Variants in RHCG observed in about 807,000 individuals in gnomAD.
RHCG encodes ammonium transporter Rh type C.
RHCG carries 39 observed loss-of-function variants against 55.3 expected under a neutral mutation model. The observed-to-expected ratio is 0.70, with a 90% CI of 0.55 to 0.92. RHCG has a LOEUF of 0.92. RHCG is among the 40% of genes least tolerant of loss of function. RHCG has a pLI of 0.00. For synonymous variants in RHCG, 250 were observed against 246.8 expected (o/e 1.01, Z -0.12); for missense variants, 635 against 627.9 (o/e 1.01, Z -0.12).
intron 5 of RHCG, 106 bp downstream of exon 5, chr15:89,479,216 G>T: frequency 9.1e-6 from 11 of 1,206,572 alleles, no homozygotes; most frequent in Non-Finnish European, 1.3e-5. Context: ...AACCTCATCT[G>T]CAAGATGGGT....
chr15:89,477,503 T>C lies in RHCG; in HGVS notation c.1112+14A>G, dbSNP rs1209778359. ...GGGGGAAGCTCCATCCCACCGCACC[T>C]CCTCCACATTTACCCTTCTTTTCCA... On this transcript the variant is annotated intron_variant, in intron 7 of 10. Transcript: ENST00000268122. This position sits in a 1 kb window ranked among gnomAD's most constrained non-coding sequence, Gnocchi z 4.5. The C allele has an allele frequency of 3.7e-6, 6 of 1,613,346 alleles. No individual in the cohort carries two copies. The Admixed American group carries it at 1.0e-4, about 27-fold the overall frequency.
intron 9 of RHCG, among the ~76,000 whole-genome samples, chr15:89,475,048 G>T (rs115729944): frequency 6.3e-5 from 6 of 95,828 alleles, no homozygotes; most frequent in Admixed American, 1.1e-4. Context: ...CTTCCTGCCC[G>T]CCTTCCTTCC....
At chr15:89,475,694 C>A (rs1961135358) in intron 9 of RHCG, among the ~76,000 whole-genome samples, 1 of 152,108 alleles carries the variant, frequency 6.6e-6, no homozygotes, top group South Asian at 2.1e-4. Flanking sequence ...ACTGTGATTC[C>A]TAACCCAGGC....
chr15:89,486,597 AGAGTGTGTGT>A lies in RHCG; in HGVS notation c.371+192_371+201del, dbSNP rs1307895333. ...GAGAGAGAGAGAGAGAGAGAGAGAG[AGAGTGTGTGT>A]GTGTGTGTGTGTGTGTGTGTGTGTG... On this transcript the variant is annotated intron_variant, in intron 2 of 10. Coordinates refer to ENST00000268122, the MANE Select transcript of RHCG (RefSeq NM_016321.3). The A allele has an allele frequency of 1.8e-3, 603 of 327,132 alleles. 2 individuals are homozygous for A. In the African/African-American group the frequency reaches 0.019, roughly 10 times the overall value. The allele number at this position is 327,132 out of a possible 1,614,324, so 20.3% of individuals were successfully genotyped here. A position where few individuals can be genotyped will look rare whatever the true frequency, so the allele number is the denominator to read the frequency against.
intron 2 of RHCG, 97 bp downstream of exon 2, chr15:89,486,702 G>C: frequency 7.7e-7 from 1 of 1,305,278 alleles, no homozygotes; most frequent in Non-Finnish European, 1.1e-6. Context: ...CCTCAAGCCC[G>C]GGTCCCGCCG....
At chr15:89,479,671 C>G (rs900793367) in intron 4 of RHCG, 183 bp from the exon 5 acceptor site, 5 of 607,882 alleles carry the variant, frequency 8.2e-6, no homozygotes, top group South Asian at 6.1e-5. Flanking sequence ...CCTTACCCCC[C>G]ACTTAGCCTT....
intron 10 of RHCG, among the ~76,000 whole-genome samples, chr15:89,472,381 G>A (rs1178934144): frequency 1.3e-5 from 2 of 152,172 alleles, no homozygotes; most frequent in East Asian, 1.9e-4. Flanking sequence ...TGAGGAAATC[G>A]AGGCCCAGTC....
chr15:89,482,604 G>A (rs1333310521), intron 3 of RHCG, among the ~76,000 whole-genome samples: 2 of 152,200 alleles, frequency 1.3e-5, no homozygotes, highest in Non-Finnish European at 2.9e-5. Flanking sequence ...CGAGGGAGCA[G>A]CACTCCTGTC....
In RHCG at chr15:89,477,598, T is replaced by C. The variant is rs767089222; in HGVS notation, c.1031A>G (p.His344Arg). 3.1e-6 allele frequency: 5 copies of C among 1,614,100 alleles called. No individual in the cohort carries two copies. The highest frequency in any genetic ancestry group is 4.2e-6 in the Non-Finnish European group (5 of 1,180,008). ...GCCGCCTATGATGCCAGGAATGCCATGCAGATTGTTAATGCCACATGTGTC... is the reference window on the plus strand; with the variant it reads ...GCCGCCTATGATGCCAGGAATGCCACGCAGATTGTTAATGCCACATGTGTC... The part of the protein sequence containing the change: ...IQDTCGINNL[H>R]GIPGIIGGIV... Residue 344 changes from histidine to arginine, a missense_variant, in exon 7 of 11, where the codon CAT becomes CGT. Coordinates refer to ENST00000268122, the MANE Select transcript of RHCG (RefSeq NM_016321.3). The surrounding 1 kb of genome is among the most constrained non-coding windows in gnomAD (Gnocchi z 4.5).
chr15:89,482,820 AG>A (rs1338834152), intron 3 of RHCG, among the ~76,000 whole-genome samples: 3 of 152,174 alleles, frequency 2.0e-5, no homozygotes, highest in Non-Finnish European at 4.4e-5. Flanking sequence ...GAAAGAAAGG[AG>A]GGGGAAAAAA....
At chr15:89,491,036 C>T (rs1961465916) in intron 1 of RHCG, among the ~76,000 whole-genome samples, 1 of 152,152 alleles carries the variant, frequency 6.6e-6, no homozygotes, top group South Asian at 2.1e-4. Flanking sequence ...AAGTGGGGTC[C>T]TTTCGATGAG....
At chr15:89,488,977 G>T (rs558558675) in intron 1 of RHCG, among the ~76,000 whole-genome samples, 7 of 152,336 alleles carry the variant, frequency 4.6e-5, no homozygotes, top group Non-Finnish European at 1.0e-4. Context: ...AGAGGGCCAT[G>T]ACGTATGTGA....
At chr15:89,486,243 C>T (rs1961356183) in intron 2 of RHCG, 1 of 456,508 alleles carries the variant, frequency 2.2e-6, no homozygotes, top group Non-Finnish European at 4.4e-6. Context: ...TGGGTGGGGG[C>T]GGTGAAGCAA....
intron 1 of RHCG, among the ~76,000 whole-genome samples, chr15:89,489,806 C>G (rs994286071): frequency 3.9e-5 from 6 of 152,218 alleles, no homozygotes; most frequent in East Asian, 1.9e-4. Flanking sequence ...AGGTTCTCCC[C>G]CTATGGCACC....
rs1489857061 is a variant in RHCG at position 89,477,225 on chromosome 15, G to A, written c.1113-19C>T. The stretch of plus-strand genomic sequence containing the variant: ...GACAAGCCTGGGGTGGAGACAGGGG[G>A]CAGGTCAGGGCCCCATGGAGAGGCC... On this transcript the variant is annotated intron_variant, in intron 7 of 10. Coordinates refer to ENST00000268122, the MANE Select transcript of RHCG (RefSeq NM_016321.3). This position sits in a 1 kb window ranked among gnomAD's most constrained non-coding sequence, Gnocchi z 4.5. The A allele has an allele frequency of 1.9e-6, 3 of 1,613,548 alleles. No individual in the cohort carries two copies. Among genetic ancestry groups the A allele is most frequent in the Admixed American group, 1.7e-5 (1 of 59,964 alleles).
At chr15:89,475,466 G>A (rs937107239) in intron 9 of RHCG, among the ~76,000 whole-genome samples, 6 of 152,130 alleles carry the variant, frequency 3.9e-5, no homozygotes, top group Admixed American at 2.6e-4. Flanking sequence ...GGCTGGTCTC[G>A]AACTCCTGAC....
intron 4 of RHCG, 51 bp from the exon 5 acceptor site, chr15:89,479,539 C>T: frequency 2.7e-6 from 4 of 1,507,412 alleles, no homozygotes; most frequent in Non-Finnish European, 2.7e-6. Context: ...GCATTAGATA[C>T]AGCCCCACAG....
chr15:89,472,324 G>C (rs1477130671), intron 10 of RHCG, among the ~76,000 whole-genome samples: 1 of 152,186 alleles, frequency 6.6e-6, no homozygotes, highest in Non-Finnish European at 1.5e-5. Context: ...TCTCATCTGA[G>C]CTGAGCAACT....
At chr15:89,472,687 C>G (rs1416343513) in intron 10 of RHCG, 24 bp downstream of exon 10, 1 of 1,594,050 alleles carries the variant, frequency 6.3e-7, no homozygotes, top group Non-Finnish European at 8.6e-7. Context: ...TCCCTGTCAT[C>G]CCCCAAGCCA....
Sources: gnomAD v4.1 joint callset for allele counts (sites outside exome capture counted in the v4.1 genomes callset) on GRCh38, gnomAD v4.1.1 for gene constraint, Gnocchi (gnomAD v3.1) non-coding constraint, MANE v1.5 for transcripts, NCBI Gene and HGNC (gene_info 2026-07-23, HGNC 2026-07-21) for gene names.